The following CCDC148 variants were observed in gnomAD, a reference collection of about 807,000 sequenced individuals.
CCDC148 encodes the protein coiled-coil domain containing 148.
CCDC148 carries 89 observed loss-of-function variants against 85.7 expected under a neutral mutation model. The observed-to-expected ratio is 1.04, with a 90% CI of 0.87 to 1.24. The LOEUF (loss-of-function observed/expected upper bound fraction) is 1.24, where lower values mean the gene tolerates loss of function less well. Ranked by LOEUF, CCDC148 falls within the 50% of genes most tolerant of loss-of-function variation. CCDC148 has a pLI of 0.00. For synonymous variants in CCDC148, 230 were observed against 213.9 expected, an observed-to-expected ratio of 1.08 and a Z score of -0.66; for missense variants, 692 against 671.7, an observed-to-expected ratio of 1.03 and a Z score of -0.33.
intron 9 of CCDC148, among the ~76,000 whole-genome samples, chr2:158,252,038 G>A (rs906138762): frequency 6.6e-6 from 1 of 151,626 alleles, no homozygotes; most frequent in Admixed American, 6.6e-5. Flanking sequence ...TATACATCTG[G>A]CTAAGGAAGC....
At chr2:158,358,744 AATT>A (rs1161613255) in intron 1 of CCDC148, among the ~76,000 whole-genome samples, 174 bp from the exon 2 acceptor site, 14 of 152,050 alleles carry the variant, frequency 9.2e-5, no homozygotes, top group African/African-American at 3.4e-4. Flanking sequence ...TATTTCTAGA[AATT>A]ATTATAATAT....
chr2:158,283,264 C>A (rs569071981), intron 9 of CCDC148, among the ~76,000 whole-genome samples: 9 of 152,224 alleles, frequency 5.9e-5, no homozygotes, highest in South Asian at 4.1e-4. Flanking sequence ...GCAACAAAAG[C>A]CAAAATTGAC....
intron 13 of CCDC148, among the ~76,000 whole-genome samples, chr2:158,173,022 C>A (rs1008336509): frequency 1.3e-5 from 2 of 151,990 alleles, no homozygotes; most frequent in Non-Finnish European, 2.9e-5. Flanking sequence ...AGCTCTTAGG[C>A]GAACTGGGGC....
chr2:158,282,489 C>A (rs1380658188), intron 9 of CCDC148, among the ~76,000 whole-genome samples: 1 of 152,128 alleles, frequency 6.6e-6, no homozygotes, highest in East Asian at 1.9e-4. Flanking sequence ...CAATAACAGA[C>A]CAACAGAGAG....
chr2:158,308,772 T>C (rs1691818848), intron 9 of CCDC148, among the ~76,000 whole-genome samples: 10 of 152,168 alleles, frequency 6.6e-5, no homozygotes, highest in Admixed American at 6.5e-4. Context: ...GGAATGCAAT[T>C]ATTCCCAGCA....
chr2:158,270,683 G>A lies in CCDC148; in HGVS notation c.1111-19771C>T, dbSNP rs147517368. On this transcript the variant is annotated intron_variant, in intron 9 of 13. Transcript: ENST00000283233. ...GAAAGCTAGTCTATTCCGAAGGATAGATTTCTCAAGTTCCTTGATGGTGAT... is the reference window on the plus strand; with the variant it reads ...GAAAGCTAGTCTATTCCGAAGGATAAATTTCTCAAGTTCCTTGATGGTGAT... 5.9e-5 allele frequency among the ~76,000 whole-genome samples: 9 copies of A among 152,318 alleles called. No individual in the cohort carries two copies. In the East Asian group the frequency reaches 1.7e-3, roughly 29 times the overall value.
chr2:158,264,667 C>T (rs1374973768), intron 9 of CCDC148, among the ~76,000 whole-genome samples: 1 of 151,928 alleles, frequency 6.6e-6, no homozygotes, highest in Non-Finnish European at 1.5e-5. Flanking sequence ...AGGGGCCTCA[C>T]CCAGATTATC....
chr2:158,308,298 A>G (rs1461003520), intron 9 of CCDC148, among the ~76,000 whole-genome samples: 1 of 152,222 alleles, frequency 6.6e-6, no homozygotes, highest in Non-Finnish European at 1.5e-5. Flanking sequence ...GAATATAAAC[A>G]AACTAGGAAT....
intron 11 of CCDC148, among the ~76,000 whole-genome samples, chr2:158,184,517 G>T (rs1685064382): frequency 6.6e-6 from 1 of 152,090 alleles, no homozygotes; most frequent in South Asian, 2.1e-4. Context: ...AATGAACACT[G>T]TAGTAAAATC....
chr2:158,456,190 G>C (rs1688703315), intron 1 of CCDC148, among the ~76,000 whole-genome samples: 1 of 152,180 alleles, frequency 6.6e-6, no homozygotes, highest in South Asian at 2.1e-4. Context: ...TGACGCTTTG[G>C]CATCTATCAT....
chr2:158,421,670 T>C (rs903725463), intron 1 of CCDC148, among the ~76,000 whole-genome samples: 17 of 151,866 alleles, frequency 1.1e-4, no homozygotes, highest in African/African-American at 3.9e-4. Flanking sequence ...AACATCACAA[T>C]TAAAAGAACT....
At chr2:158,245,504 A>G (rs980803555) in intron 10 of CCDC148, among the ~76,000 whole-genome samples, 1 of 152,192 alleles carries the variant, frequency 6.6e-6, no homozygotes, top group Non-Finnish European at 1.5e-5. Flanking sequence ...GCAAAATTAG[A>G]GAGAATTTTG....
intron 11 of CCDC148, among the ~76,000 whole-genome samples, chr2:158,198,599 T>C (rs530680087): frequency 1.3e-5 from 2 of 152,338 alleles, no homozygotes; most frequent in African/African-American, 2.4e-5. Flanking sequence ...TTCCTAATGA[T>C]GCCTGGGATT....
chr2:158,260,437 C>T (rs545717845), intron 9 of CCDC148, among the ~76,000 whole-genome samples: 4 of 152,032 alleles, frequency 2.6e-5, no homozygotes, highest in Middle Eastern at 3.4e-3. Context: ...ATCATTCCCA[C>T]TTGAAAACCG....
intron 9 of CCDC148, among the ~76,000 whole-genome samples, chr2:158,286,342 AAAC>A (rs1008408896): frequency 2.6e-5 from 4 of 152,356 alleles, no homozygotes; most frequent in Non-Finnish European, 5.9e-5. Flanking sequence ...AAAAAAGACA[AAAC>A]AACTTTATAA....
At position 158,456,541 on chromosome 2, in the gene CCDC148, G is replaced by A; in HGVS notation, c.-102C>T. 7.0e-7 allele frequency: 1 copy of A among 1,436,048 alleles called. No homozygotes were observed. The highest frequency in any genetic ancestry group is 9.4e-7 in the Non-Finnish European group (1 of 1,062,296). 89.0% of individuals were successfully genotyped at this position (1,436,048 alleles called of 1,614,324 possible). Reference sequence around the variant, plus strand: ...CGTCAGGGGTACATCTAAGGGCTCAGCTGTTCCTACCTTTGACGCCAGGGA... The same window carrying A: ...CGTCAGGGGTACATCTAAGGGCTCAACTGTTCCTACCTTTGACGCCAGGGA... On this transcript the variant is annotated 5_prime_UTR_variant, in exon 1 of 14. Coordinates refer to ENST00000283233, the MANE Select transcript of CCDC148 (RefSeq NM_138803.4).
At chr2:158,417,261 G>A (rs1686542344) in intron 1 of CCDC148, among the ~76,000 whole-genome samples, 1 of 152,206 alleles carries the variant, frequency 6.6e-6, no homozygotes, top group Admixed American at 6.5e-5. Flanking sequence ...CTTTGTAAAT[G>A]TAACAACAGC....
intron 1 of CCDC148, among the ~76,000 whole-genome samples, chr2:158,436,224 G>C (rs1687644459): frequency 6.6e-6 from 1 of 152,138 alleles, no homozygotes; most frequent in South Asian, 2.1e-4. Flanking sequence ...CACATAGTTG[G>C]AAGTAAAGCA....
intron 9 of CCDC148, among the ~76,000 whole-genome samples, chr2:158,280,079 G>C (rs930294598): frequency 2.0e-5 from 3 of 151,942 alleles, no homozygotes; most frequent in Non-Finnish European, 4.4e-5. Flanking sequence ...CAAATGCTGA[G>C]AGATTTTGTC....
Sources: gnomAD v4.1 joint callset for allele counts (sites outside exome capture counted in the v4.1 genomes callset) on GRCh38, gnomAD v4.1.1 for gene constraint, MANE v1.5 for transcripts, NCBI Gene and HGNC (gene_info 2026-07-23, HGNC 2026-07-21) for gene names.